The following LEPR variants were observed in gnomAD, a reference collection of about 807,000 sequenced individuals.
The protein encoded by LEPR is leptin receptor.
LEPR carries 56 observed loss-of-function variants against 114.7 expected under a neutral mutation model. That is an observed-to-expected ratio of 0.49 (90% CI 0.39 to 0.61). The LOEUF is 0.61. Ranked by LOEUF, LEPR falls within the 20% of genes least tolerant of loss-of-function variation. LEPR has a pLI of 0.00. For missense variants in LEPR, 1,202 were observed against 1,352.9 expected (o/e 0.89, Z 1.75); for synonymous variants, 443 against 461.4 (o/e 0.96, Z 0.51).
chr1:65,525,740 G>A, intron 2 of LEPR: 1 of 986,056 alleles, frequency 1.0e-6, no homozygotes, highest in South Asian at 4.7e-5. Context: ...ACGGCCAGCC[G>A]AGCGCGCGCG....
At chr1:65,527,303 A>C (rs1261276588) in intron 2 of LEPR, among the ~76,000 whole-genome samples, 1 of 152,236 alleles carries the variant, frequency 6.6e-6, no homozygotes, top group Non-Finnish European at 1.5e-5. Context: ...TTAGTAATGC[A>C]GTTAGTTGCC....
At chr1:65,579,444 C>G (rs191057211) in intron 5 of LEPR, among the ~76,000 whole-genome samples, 44 of 152,276 alleles carry the variant, frequency 2.9e-4, no homozygotes, top group African/African-American at 9.9e-4. Flanking sequence ...GAAAAGAGCA[C>G]AGGGTTGGTC....
chr1:65,483,141 C>T (rs1647301579), intron 2 of LEPR, among the ~76,000 whole-genome samples: 1 of 151,858 alleles, frequency 6.6e-6, no homozygotes, highest in East Asian at 1.9e-4. Flanking sequence ...AACCTCTGTT[C>T]ATCAGGAGAC....
At chr1:65,420,861 T>C in intron 1 of LEPR, 121 bp downstream of exon 1, 1 of 1,246,836 alleles carries the variant, frequency 8.0e-7, no homozygotes. Flanking sequence ...TTCCCGCCTC[T>C]CCGGTTCGGG....
chr1:65,428,728 CT>C (rs1038270953), intron 2 of LEPR, among the ~76,000 whole-genome samples: 7 of 151,100 alleles, frequency 4.6e-5, no homozygotes, highest in East Asian at 1.9e-4. Context: ...TGAGCAGAGA[CT>C]TTTTTTTTCT....
intron 2 of LEPR, among the ~76,000 whole-genome samples, chr1:65,465,927 A>G (rs898637572): frequency 1.3e-5 from 2 of 152,118 alleles, no homozygotes; most frequent in African/African-American, 4.8e-5. Context: ...GTCTTTGCAC[A>G]TGAGATAGGT....
chr1:65,540,805 T>A (rs1391002256), intron 2 of LEPR, among the ~76,000 whole-genome samples: 2 of 152,164 alleles, frequency 1.3e-5, no homozygotes, highest in African/African-American at 2.4e-5. Context: ...TTTCAAGGTA[T>A]CTCAGGAGGG....
intron 2 of LEPR, among the ~76,000 whole-genome samples, chr1:65,525,120 G>T (rs1649836099): frequency 6.6e-6 from 1 of 152,180 alleles, no homozygotes. Context: ...TAAGCATGAC[G>T]AAGATGCTGG....
chr1:65,492,003 A>G (rs1166634195), intron 2 of LEPR, among the ~76,000 whole-genome samples: 1 of 152,150 alleles, frequency 6.6e-6, no homozygotes, highest in Non-Finnish European at 1.5e-5. Flanking sequence ...GTTTCTACCC[A>G]TTCCAAAAAG....
intron 5 of LEPR, chr1:65,576,506 G>A (rs1424186715): frequency 6.5e-6 from 1 of 154,494 alleles, no homozygotes; most frequent in Non-Finnish European, 1.4e-5. Flanking sequence ...CCAAGTTGAA[G>A]GACTTTGGGG....
intron 5 of LEPR, among the ~76,000 whole-genome samples, chr1:65,582,320 C>T (rs1655043932): frequency 6.6e-6 from 1 of 152,154 alleles, no homozygotes; most frequent in Admixed American, 6.5e-5. Flanking sequence ...AAGGTGTCAG[C>T]CACCAGGACT....
intron 8 of LEPR, among the ~76,000 whole-genome samples, 185 bp downstream of exon 8, chr1:65,598,989 G>T (rs988227675): frequency 6.6e-6 from 1 of 152,082 alleles, no homozygotes; most frequent in Non-Finnish European, 1.5e-5. Flanking sequence ...CTCTAGGCTT[G>T]TGTGTTTCTA....
intron 2 of LEPR, among the ~76,000 whole-genome samples, chr1:65,549,232 G>T (rs1320774142): frequency 6.6e-6 from 1 of 151,488 alleles, no homozygotes; most frequent in Non-Finnish European, 1.5e-5. Context: ...CTCTCTGGCT[G>T]CCCTTAACAT....
chr1:65,433,151 C>T (rs1646511483), intron 2 of LEPR: 12 of 985,448 alleles, frequency 1.2e-5, no homozygotes, highest in Non-Finnish European at 1.4e-5. Flanking sequence ...CACTTCTCCC[C>T]AGCTCCTTCC....
chr1:65,435,781 A>T (rs1426392198), intron 2 of LEPR: 7 of 981,058 alleles, frequency 7.1e-6, no homozygotes. Flanking sequence ...ACTGAGAAAT[A>T]TTATGTCTGT....
At chr1:65,488,214 C>CTTTCTTTCTTTCTTTCTTTCTTTCTT (rs774153035) in intron 2 of LEPR, among the ~76,000 whole-genome samples, 3 of 46,790 alleles carry the variant, frequency 6.4e-5, no homozygotes, top group Non-Finnish European at 7.2e-5. Flanking sequence ...CTTTCTTTCT[C>CTTTCTTTCTTTCTTTCTTTCTTTCTT]TCTCTCTCTC....
chr1:65,618,599 G>T (rs1657682419), intron 16 of LEPR, among the ~76,000 whole-genome samples: 1 of 151,934 alleles, frequency 6.6e-6, no homozygotes, highest in East Asian at 1.9e-4. Context: ...CCAAAGTGTT[G>T]GGATTACAGG....
At chr1:65,559,980 A>G (rs1653190584) in intron 2 of LEPR, among the ~76,000 whole-genome samples, 1 of 146,916 alleles carries the variant, frequency 6.8e-6, no homozygotes, top group Admixed American at 6.7e-5. Context: ...GAAGTCAGGT[A>G]GTGTAATGCC....
chr1:65,439,554 T>C (rs1646619417), intron 2 of LEPR, among the ~76,000 whole-genome samples: 5 of 152,182 alleles, frequency 3.3e-5, no homozygotes, highest in African/African-American at 9.6e-5. Flanking sequence ...CAATGGCTCA[T>C]GCCTGTAATC....
Sources: gnomAD v4.1 joint callset for allele counts (sites outside exome capture counted in the v4.1 genomes callset) on GRCh38, gnomAD v4.1.1 for gene constraint, MANE v1.5 for transcripts, NCBI Gene and HGNC (gene_info 2026-07-23, HGNC 2026-07-21) for gene names.